The following UTRN variants were observed in gnomAD, a reference collection of about 807,000 sequenced individuals.
The protein encoded by UTRN is utrophin, also known as dystrophin-related protein 1.
UTRN carries 283 observed loss-of-function variants against 463.9 expected under a neutral mutation model. The ratio of observed to expected loss-of-function variants is 0.61; its 90% CI spans 0.55 to 0.67. UTRN has a LOEUF of 0.67. Ranked by LOEUF, UTRN falls within the 30% of genes least tolerant of loss-of-function variation. The pLI, the probability that UTRN is intolerant of heterozygous loss-of-function variation, is 0.00. For synonymous variants in UTRN, 1,442 were observed against 1,431.5 expected, an observed-to-expected ratio of 1.01 and a Z score of -0.17; for missense variants, 3,922 against 4,084.3, an observed-to-expected ratio of 0.96 and a Z score of 1.08.
At chr6:144,588,145 G>A (rs1363524395) in intron 51 of UTRN, among the ~76,000 whole-genome samples, 1 of 152,060 alleles carries the variant, frequency 6.6e-6, no homozygotes, top group Non-Finnish European at 1.5e-5. Context: ...AAAGTGAGAC[G>A]GGATCAAGGA....
At chr6:144,312,381 G>C (rs764269203) in intron 2 of UTRN, among the ~76,000 whole-genome samples, 3 of 147,900 alleles carry the variant, frequency 2.0e-5, no homozygotes, top group African/African-American at 7.6e-5. Context: ...CCGAGATTGC[G>C]CCACTGCACT....
At chr6:144,463,616 C>CTT (rs528473376) in intron 23 of UTRN, among the ~76,000 whole-genome samples, 14 of 136,986 alleles carry the variant, frequency 1.0e-4, no homozygotes, top group African/African-American at 3.7e-4. Flanking sequence ...TTACCTTGGT[C>CTT]TTTTTTTTTT....
chr6:144,520,212 T>C (rs1484075657), intron 39 of UTRN, among the ~76,000 whole-genome samples: 2 of 152,228 alleles, frequency 1.3e-5, no homozygotes, highest in Admixed American at 6.5e-5. Flanking sequence ...GCTATTTTCT[T>C]TTCCTTAAAG....
At chr6:144,545,243 A>C (rs964448043) in intron 46 of UTRN, among the ~76,000 whole-genome samples, 1 of 152,184 alleles carries the variant, frequency 6.6e-6, no homozygotes, top group Non-Finnish European at 1.5e-5. Context: ...TCCTGATTTT[A>C]TTCTTGCCTC....
chr6:144,548,054 T>A (rs1027588653), intron 46 of UTRN, among the ~76,000 whole-genome samples: 7 of 152,322 alleles, frequency 4.6e-5, no homozygotes, highest in Middle Eastern at 3.4e-3. Context: ...TTTTTTTGTA[T>A]TTTCTGACTC....
At chr6:144,696,003 C>CA (rs1473581465) in intron 52 of UTRN, among the ~76,000 whole-genome samples, 1 of 152,086 alleles carries the variant, frequency 6.6e-6, no homozygotes, top group Admixed American at 6.5e-5. Flanking sequence ...CTAATGAAAA[C>CA]AGAGTTCAAA....
At chr6:144,327,902 C>G (rs1031313423) in intron 2 of UTRN, among the ~76,000 whole-genome samples, 1 of 152,126 alleles carries the variant, frequency 6.6e-6, no homozygotes, top group African/African-American at 2.4e-5. Flanking sequence ...CGAGATCACA[C>G]CATTGCACTC....
Position 144,631,233 on chromosome 6 carries a change from GAGAGGTGTGTGT to G in UTRN, c.7480-47172_7480-47161del, listed in dbSNP as rs540539933. 1.2e-3 allele frequency among the ~76,000 whole-genome samples: 154 copies of G among 123,692 alleles called. 3 individuals are homozygous for G. In the East Asian group the frequency reaches 0.042, roughly 34 times the overall value. The allele number at this position is 123,692 out of a possible 152,430, so 81.1% of individuals were successfully genotyped here. On this transcript the variant is annotated intron_variant, in intron 51 of 74. Transcript: ENST00000367545. ...AGAGTGAGTGTGTGTGTGTGAGAGA[GAGAGGTGTGTGT>G]GTGTGTGTGTGTGTGTGTGTGTGTG... is the stretch of plus-strand genomic sequence containing the variant.
intron 51 of UTRN, among the ~76,000 whole-genome samples, chr6:144,623,245 G>A (rs1775610167): frequency 6.6e-6 from 1 of 151,278 alleles, no homozygotes; most frequent in Non-Finnish European, 1.5e-5. Flanking sequence ...AATTGATTTA[G>A]CAATATATTT....
intron 53 of UTRN, among the ~76,000 whole-genome samples, chr6:144,729,626 A>G (rs892586319): frequency 6.6e-6 from 1 of 152,228 alleles, no homozygotes; most frequent in Non-Finnish European, 1.5e-5. Context: ...CATTACTCTT[A>G]TCTTGCAGCA....
At chr6:144,395,776 C>G (rs1440646461) in intron 2 of UTRN, among the ~76,000 whole-genome samples, 1 of 152,086 alleles carries the variant, frequency 6.6e-6, no homozygotes, top group African/African-American at 2.4e-5. Context: ...TTCAGAAAGT[C>G]TTCAGGAGGT....
intron 12 of UTRN, 102 bp downstream of exon 12, chr6:144,438,997 C>A: frequency 7.8e-7 from 1 of 1,279,270 alleles, no homozygotes; most frequent in Non-Finnish European, 1.1e-6. Context: ...GAAGTTGGGA[C>A]ACTTCTTCAG....
At position 144,424,091 on chromosome 6, in the gene UTRN, C is replaced by A. The variant is rs751543518; in HGVS notation, c.405+13C>A. ...TTTGCACTGGCAGGTGGGGAAATTT[C>A]CAATCACTTTTTAATAGAGATGGAA... On this transcript the variant is annotated intron_variant, in intron 6 of 74. Transcript: ENST00000367545. 1.9e-6 allele frequency: 3 copies of A among 1,611,416 alleles called. No homozygotes were observed. In the South Asian group the frequency reaches 3.3e-5, roughly 18 times the overall value.
At chr6:144,601,777 G>T (rs1804277159) in intron 51 of UTRN, among the ~76,000 whole-genome samples, 1 of 152,106 alleles carries the variant, frequency 6.6e-6, no homozygotes, top group Non-Finnish European at 1.5e-5. Context: ...CATCTTTCAT[G>T]AAAGGAAGAT....
chr6:144,356,611 G>A (rs544727537), intron 2 of UTRN, among the ~76,000 whole-genome samples: 10 of 152,150 alleles, frequency 6.6e-5, no homozygotes, highest in Non-Finnish European at 1.3e-4. Context: ...TCAGGAGTTC[G>A]AGACTAGCCT....
intron 49 of UTRN, among the ~76,000 whole-genome samples, chr6:144,556,855 T>C (rs1358027260): frequency 6.6e-6 from 1 of 152,192 alleles, no homozygotes; most frequent in African/African-American, 2.4e-5. Context: ...ATCAGAGAGG[T>C]ACAGCAGAAG....
At chr6:144,430,458 G>C (rs1408064266) in intron 9 of UTRN, among the ~76,000 whole-genome samples, 1 of 152,100 alleles carries the variant, frequency 6.6e-6, no homozygotes, top group African/African-American at 2.4e-5. Flanking sequence ...CAACATTCTA[G>C]TGACCAAGCA....
At chr6:144,380,358 A>G (rs1392095379) in intron 2 of UTRN, among the ~76,000 whole-genome samples, 1 of 152,204 alleles carries the variant, frequency 6.6e-6, no homozygotes, top group African/African-American at 2.4e-5. Context: ...ACCTGTTAAT[A>G]CTGGTTATCT....
At chr6:144,585,037 C>CT (rs1439268697) in intron 51 of UTRN, among the ~76,000 whole-genome samples, 1 of 151,902 alleles carries the variant, frequency 6.6e-6, no homozygotes, top group East Asian at 1.9e-4. Context: ...TGTGTGTGTA[C>CT]TTTCACAAAA....
Sources: allele counts gnomAD v4.1 joint callset (sites outside exome capture counted in the v4.1 genomes callset), GRCh38; gene constraint gnomAD v4.1.1; transcripts MANE v1.5; gene names NCBI Gene and HGNC (gene_info 2026-07-23, HGNC 2026-07-21).